The following CTCFL variants were observed in gnomAD, a reference collection of about 807,000 sequenced individuals.
CTCFL encodes the protein CCCTC-binding factor like.
A neutral mutation model predicts 67.4 loss-of-function variants in CTCFL; 36 were observed. The observed-to-expected ratio is 0.53, with a 90% CI of 0.41 to 0.71. CTCFL has a LOEUF of 0.71. Ranked by LOEUF, CTCFL falls within the 30% of genes least tolerant of loss-of-function variation. The pLI, the probability that CTCFL is intolerant of heterozygous loss-of-function variation, is 0.00. For missense variants in CTCFL, 786 were observed against 835.2 expected (o/e 0.94, Z 0.73); for synonymous variants, 324 against 302.3 (o/e 1.07, Z -0.75).
chr20:57,510,869 T>G (rs28620436), intron 8 of CTCFL, among the ~76,000 whole-genome samples: 1 of 151,976 alleles, frequency 6.6e-6, no homozygotes, highest in Non-Finnish European at 1.5e-5. Context: ...AATAAAAAAA[T>G]AAAAAAAGAA....
At position 57,523,872 on chromosome 20, in the gene CTCFL, C is replaced by A. The variant is rs1185983608; in HGVS notation, c.334G>T (p.Val112Leu). The A allele has an allele frequency of 6.2e-7, 1 of 1,613,082 alleles. No individual in the cohort carries two copies. The highest frequency in any genetic ancestry group is 2.2e-5 in the East Asian group (1 of 44,902). Residue 112 changes from valine (V) to leucine (L), a missense_variant, in exon 2 of 11, where the codon GTG (valine) becomes TTG (leucine). Coordinates refer to ENST00000243914, the MANE Select transcript of CTCFL (RefSeq NM_001386993.1). ...IQQQEGVQVV[V>L]QQPGPGLLWL... ...AGCAACCCAGGGCCAGGCTGTTGCA[C>A]CACCACCTGCACCCCTTCTTGCTGC...
Position 57,498,706 on chromosome 20 carries a change from A to C in CTCFL, c.1841-5T>G. 6.2e-7 allele frequency: 1 copy of C among 1,610,296 alleles called. No homozygotes were observed. The highest frequency in any genetic ancestry group is 1.7e-5 in the Admixed American group (1 of 59,036). On this transcript the variant is annotated splice_region_variant and splice_polypyrimidine_tract_variant and intron_variant, in intron 10 of 10. Transcript: ENST00000243914. ...AAGCCTCCTCAGCAGCAGCTTCTTG[A>C]GAAAAAGTCCAGGATGAGCAAATTT...
At chr20:57,518,356 G>T in intron 5 of CTCFL, 1 of 383,588 alleles carries the variant, frequency 2.6e-6, no homozygotes, top group Non-Finnish European at 4.4e-6. Context: ...CTTCGAGCAA[G>T]CTGCTTTGTA....
rs369016102 is a variant in CTCFL at position 57,515,809 on chromosome 20, C to T, written c.1085G>A (p.Arg362Gln). 14 of 1,610,260 alleles carry T rather than the reference C, an allele frequency of 8.7e-6. No individual in the cohort carries two copies. Among genetic ancestry groups the T allele is most frequent in the African/African-American group, 1.3e-5 (1 of 74,676 alleles). Residue 362 changes from arginine to glutamine, a missense_variant, in exon 6 of 11, where the codon CGA becomes CAA. Arg to Gln is a conservative substitution (Grantham distance 43, BLOSUM62 1). Coordinates refer to ENST00000243914, the MANE Select transcript of CTCFL (RefSeq NM_001386993.1). ...VEASKLKRHVRSHTGERPFQC... is the reference protein window; with the variant it reads ...VEASKLKRHVQSHTGERPFQC... ...AAAGGGGCGCTCCCCAGTGTGGGAT[C>T]GGACATGGCGCTTCAATTTACTTGC...
intron 1 of CTCFL, 128 bp downstream of exon 1, chr20:57,524,900 C>T (rs2069753752): frequency 3.1e-6 from 1 of 324,196 alleles, no homozygotes; most frequent in Non-Finnish European, 4.4e-6. Context: ...CCGACCCTCC[C>T]AGGCAGCCCC....
chr20:57,517,193 A>G (rs1386812249), intron 5 of CTCFL, among the ~76,000 whole-genome samples: 1 of 152,086 alleles, frequency 6.6e-6, no homozygotes, highest in Non-Finnish European at 1.5e-5. Flanking sequence ...TTTGAGGAGG[A>G]TAAGTGGTGT....
At chr20:57,521,839 T>C (rs2069388679) in intron 3 of CTCFL, among the ~76,000 whole-genome samples, 1 of 152,176 alleles carries the variant, frequency 6.6e-6, no homozygotes, top group Non-Finnish European at 1.5e-5. Context: ...ATGGTATACA[T>C]ATATGATTCA....
rs1215138918 is a variant in CTCFL at position 57,497,298 on chromosome 20, T to G, written c.*1252A>C. ...TACAGCCCACAGAATTTAAATCTCATGTGAGTTGAGTTAAATTAATTTGCT... is the reference window on the plus strand; with the variant it reads ...TACAGCCCACAGAATTTAAATCTCAGGTGAGTTGAGTTAAATTAATTTGCT... On this transcript the variant is annotated 3_prime_UTR_variant, in exon 11 of 11. Coordinates refer to ENST00000243914, the MANE Select transcript of CTCFL (RefSeq NM_001386993.1). 9 of 984,846 alleles carry G rather than the reference T, an allele frequency of 9.1e-6. No homozygotes were observed. The highest frequency in any genetic ancestry group is 1.1e-5 in the Non-Finnish European group (9 of 829,482). 61.0% of individuals were successfully genotyped at this position (984,846 alleles called of 1,614,324 possible).
Position 57,523,276 on chromosome 20 carries a change from G to C in CTCFL, c.546C>G (p.Leu182=). 7 of 1,611,864 alleles carry C rather than the reference G, an allele frequency of 4.3e-6. No homozygotes were observed. The highest frequency in any genetic ancestry group is 5.9e-6 in the Non-Finnish European group (7 of 1,178,980). The change falls in exon 3 of 11, where the codon CTC becomes CTG. Residue 182 remains leucine, a splice_region_variant and synonymous_variant. Transcript: ENST00000243914. ...ACTGGTTCTTCTCCTGCTCTTCCTCGAGCTAATAAACAACAAATATTCAAA... is the reference window on the plus strand; with the variant it reads ...ACTGGTTCTTCTCCTGCTCTTCCTCCAGCTAATAAACAACAAATATTCAAA... ...SLAETTGLIK[L]EEEQEKNQLL...
Position 57,523,204 on chromosome 20 carries a change from C to T in CTCFL, c.618G>A (p.Met206Ile), listed in dbSNP as rs140586133. Residue 206 changes from methionine (M) to isoleucine (I), a missense_variant, in exon 3 of 11, where the codon ATG becomes ATA. By Grantham distance (10) the Met-to-Ile change is conservative (BLOSUM62 1). Transcript: ENST00000243914. Reference protein sequence around the residue: ...TKEQLFFVETMSGDERSDEIV... With the variant: ...TKEQLFFVETISGDERSDEIV... ...TTTCGTCACTTCTTTCATCTCCTGACATTGTTTCCACAAAAAAGAGCTGCT... is the reference window on the plus strand; with the variant it reads ...TTTCGTCACTTCTTTCATCTCCTGATATTGTTTCCACAAAAAAGAGCTGCT... 4.3e-6 allele frequency: 7 copies of T among 1,613,950 alleles called. No homozygotes were observed. The African/African-American group carries it at 5.3e-5, about 12-fold the overall frequency.
chr20:57,524,279 G>A (rs1434763161), intron 1 of CTCFL, 63 bp from the exon 2 acceptor site: 21 of 1,530,190 alleles, frequency 1.4e-5, no homozygotes, highest in Admixed American at 7.9e-5. Context: ...GAGGAGGGAT[G>A]CGGGGGGTGC....
chr20:57,516,724 G>T (rs910780106), intron 5 of CTCFL, among the ~76,000 whole-genome samples: 1 of 152,146 alleles, frequency 6.6e-6, no homozygotes, highest in Admixed American at 6.5e-5. Context: ...TTCCTAAGAA[G>T]AATTAAGTTT....
chr20:57,508,883 C>T, intron 8 of CTCFL, 95 bp from the exon 9 acceptor site: 3 of 1,137,744 alleles, frequency 2.6e-6, no homozygotes, highest in Admixed American at 2.3e-5. Flanking sequence ...ATTTCCCTCC[C>T]CAAAGATGAG....
chr20:57,499,359 C>T (rs920919025), intron 10 of CTCFL, among the ~76,000 whole-genome samples: 5 of 152,270 alleles, frequency 3.3e-5, no homozygotes, highest in African/African-American at 9.6e-5. Flanking sequence ...AGGCGTGTAT[C>T]CATAACCTGC....
intron 3 of CTCFL, 31 bp downstream of exon 3, chr20:57,523,037 G>T: frequency 6.4e-7 from 1 of 1,560,868 alleles, no homozygotes; most frequent in Admixed American, 1.8e-5. Flanking sequence ...CCAGTTTTAG[G>T]GAGTGTATTC....
chr20:57,522,373 A>C (rs148774084), intron 3 of CTCFL, among the ~76,000 whole-genome samples: 3 of 152,230 alleles, frequency 2.0e-5, no homozygotes, highest in African/African-American at 7.2e-5. Flanking sequence ...TGAGAAACTA[A>C]TATTTTTAAA....
intron 5 of CTCFL, among the ~76,000 whole-genome samples, chr20:57,518,250 C>T (rs148412247): frequency 1.3e-5 from 2 of 152,258 alleles, no homozygotes; most frequent in African/African-American, 4.8e-5. Context: ...TTAGAAGGTA[C>T]AAATAAAGCA....
intron 3 of CTCFL, among the ~76,000 whole-genome samples, 195 bp from the exon 4 acceptor site, chr20:57,519,572 C>G (rs796822217): frequency 1.3e-4 from 20 of 152,310 alleles, no homozygotes; most frequent in African/African-American, 4.6e-4. Flanking sequence ...TTCGCTGTTT[C>G]AAGATGGGCC....
At chr20:57,523,626 T>G (rs757798480) in intron 2 of CTCFL, 37 bp downstream of exon 2, 1 of 1,570,372 alleles carries the variant, frequency 6.4e-7, no homozygotes, top group Non-Finnish European at 8.6e-7. Flanking sequence ...ATTTTTTCTT[T>G]TTCATGTAAG....
Sources: allele counts gnomAD v4.1 joint callset (sites outside exome capture counted in the v4.1 genomes callset), GRCh38; gene constraint gnomAD v4.1.1; transcripts MANE v1.5; gene names NCBI Gene and HGNC (gene_info 2026-07-23, HGNC 2026-07-21).